MIDEAS: variants seen among roughly 807,000 people sequenced by gnomAD.
MIDEAS encodes the protein mitotic deacetylase-associated SANT domain protein.
A neutral mutation model predicts 102.7 loss-of-function variants in MIDEAS; 26 were observed. That is an observed-to-expected ratio of 0.25 (90% confidence interval 0.19 to 0.35). The LOEUF (loss-of-function observed/expected upper bound fraction) is 0.35. Ranked by LOEUF, MIDEAS falls within the 10% of genes least tolerant of loss-of-function variation. The pLI, the probability that MIDEAS is intolerant of heterozygous loss-of-function variation, is 1.00. For synonymous variants in MIDEAS, 585 were observed against 591.0 expected (o/e 0.99, Z 0.15); for missense variants, 1,231 against 1,435.6 (o/e 0.86, Z 2.30).
chr14:73,773,343 A>G (rs1395897159), intron 1 of MIDEAS, among the ~76,000 whole-genome samples: 1 of 151,852 alleles, frequency 6.6e-6, no homozygotes, highest in Admixed American at 6.6e-5. Context: ...TTGATTTTCC[A>G]GGGAGAGATG....
rs752957541 is a variant in MIDEAS, at chr14:73,739,222, C to CCTG, written c.784_786dup (p.Gln262dup). The CCTG allele has an allele frequency of 3.2e-4, 518 of 1,607,820 alleles. 1 individual carries two copies. Among genetic ancestry groups the CCTG allele is most frequent in the African/African-American group, 1.4e-3 (103 of 74,802 alleles). On this transcript the variant is annotated inframe_insertion, in exon 2 of 13. Coordinates refer to ENST00000423556, the MANE Select transcript of MIDEAS (RefSeq NM_001367710.1). ...AAGAGCGGCATCTGGGGTAGGGCTG[C>CCTG]CTGCTGCTGCTGCTGCTGCTGCTGT... is the stretch of plus-strand genomic sequence containing the variant.
intron 1 of MIDEAS, among the ~76,000 whole-genome samples, chr14:73,755,185 C>CT (rs1309246254): frequency 6.6e-6 from 1 of 152,204 alleles, no homozygotes; most frequent in Non-Finnish European, 1.5e-5. Flanking sequence ...CAGCACGAGG[C>CT]TGTGTTCCAG....
rs758514166 is a variant in MIDEAS at position 73,719,292 on chromosome 14, C to T, written c.3134+13G>A. The T allele has an allele frequency of 8.1e-6, 13 of 1,612,012 alleles. No homozygotes were observed. Among genetic ancestry groups the T allele is most frequent in the East Asian group, 2.2e-5 (1 of 44,756 alleles). On this transcript the variant is annotated intron_variant, in intron 12 of 12. Coordinates refer to ENST00000423556, the MANE Select transcript of MIDEAS (RefSeq NM_001367710.1). ...CGCGGGGGTCCCAGCGGGGACAGCG[C>T]TGCCCACCTTACCTGCCACATTTTT...
At position 73,718,170 on chromosome 14, in the gene MIDEAS, T is replaced by C. The variant is rs1391031954; in HGVS notation, c.*673A>G. The C allele has an allele frequency of 6.6e-6, 1 of 152,318 alleles. No individual in the cohort carries two copies. The highest frequency in any genetic ancestry group is 1.5e-5 in the Non-Finnish European group (1 of 68,224). The allele number at this position is 152,318 out of a possible 1,614,324, so 9.4% of individuals were successfully genotyped here. A position where few individuals can be genotyped will look rare whatever the true frequency, so the allele number is the denominator to read the frequency against. On this transcript the variant is annotated 3_prime_UTR_variant, in exon 13 of 13. Coordinates refer to ENST00000423556, the MANE Select transcript of MIDEAS (RefSeq NM_001367710.1). The stretch of plus-strand genomic sequence containing the variant: ...GCCCCTCCCCCAACGCTGAGAAAAC[T>C]TTCTAGCCCTAGCAAGGCCGCCAGC...
chr14:73,778,615 C>T (rs564860190), intron 1 of MIDEAS, among the ~76,000 whole-genome samples: 1 of 151,964 alleles, frequency 6.6e-6, no homozygotes, highest in South Asian at 2.1e-4. Flanking sequence ...AGGAAGCAGA[C>T]ACATCTTGCT....
chr14:73,737,405 C>T, intron 2 of MIDEAS, 108 bp from the exon 3 acceptor site: 1 of 1,252,920 alleles, frequency 8.0e-7, no homozygotes, highest in Non-Finnish European at 1.1e-6. Flanking sequence ...TAAAGGATCA[C>T]TTGACGCCAC....
chr14:73,748,611 C>A (rs1221769274), intron 1 of MIDEAS, among the ~76,000 whole-genome samples: 3 of 151,454 alleles, frequency 2.0e-5, no homozygotes, highest in Non-Finnish European at 4.4e-5. Flanking sequence ...AATGGCTATA[C>A]TAATATCAGA....
intron 1 of MIDEAS, among the ~76,000 whole-genome samples, chr14:73,749,579 T>A (rs906513444): frequency 2.0e-5 from 3 of 147,502 alleles, no homozygotes; most frequent in Non-Finnish European, 4.5e-5. Context: ...TTATATAATA[T>A]AATATATATA....
chr14:73,740,816 G>A (rs1475197938), intron 1 of MIDEAS, among the ~76,000 whole-genome samples: 1 of 152,244 alleles, frequency 6.6e-6, no homozygotes. Context: ...GGAGAGGACA[G>A]GGTCATTCCC....
In MIDEAS at chr14:73,715,721, G is replaced by C. The variant is rs1448196389; in HGVS notation, c.*3122C>G. 5 of 152,634 alleles carry C rather than the reference G, an allele frequency of 3.3e-5. No homozygotes were observed. Among genetic ancestry groups the C allele is most frequent in the African/African-American group, 9.6e-5 (4 of 41,454 alleles). 9.5% of individuals were successfully genotyped at this position (152,634 alleles called of 1,614,324 possible). On this transcript the variant is annotated 3_prime_UTR_variant, in exon 13 of 13. Transcript: ENST00000423556. ...AAAACAACTAAACAGGCTGAGGCTTGAGTATGTGTTGTATTCCTCCTTCAT... is the reference window on the plus strand; with the variant it reads ...AAAACAACTAAACAGGCTGAGGCTTCAGTATGTGTTGTATTCCTCCTTCAT...
In MIDEAS at chr14:73,724,883, C is replaced by T. The variant is rs2053040276; in HGVS notation, c.2574+389G>A. 7 of 204,894 alleles carry T rather than the reference C, an allele frequency of 3.4e-5. No individual in the cohort carries two copies. The South Asian group carries it at 3.9e-4, about 11-fold the overall frequency. 12.7% of individuals were successfully genotyped at this position (204,894 alleles called of 1,614,324 possible). On this transcript the variant is annotated intron_variant, in intron 9 of 12. Coordinates refer to ENST00000423556, the MANE Select transcript of MIDEAS (RefSeq NM_001367710.1). ...TGGGCAGAGGCCCCCAGGTCAGCTC[C>T]GCAGGCACTTGCTGGCTCTCAGTGG...
intron 1 of MIDEAS, among the ~76,000 whole-genome samples, chr14:73,758,499 A>C (rs373088049): frequency 2.0e-5 from 3 of 152,182 alleles, no homozygotes; most frequent in East Asian, 3.9e-4. Context: ...CTGCTGGAGC[A>C]AGCCAGACAT....
intron 1 of MIDEAS, among the ~76,000 whole-genome samples, chr14:73,777,661 C>T (rs757417061): frequency 2.6e-5 from 4 of 152,012 alleles, no homozygotes; most frequent in Non-Finnish European, 5.9e-5. Flanking sequence ...TGGATGCCTA[C>T]TCGTTTCTCA....
At chr14:73,736,060 G>A (rs2053196472) in intron 3 of MIDEAS, among the ~76,000 whole-genome samples, 1 of 152,146 alleles carries the variant, frequency 6.6e-6, no homozygotes, top group African/African-American at 2.4e-5. Context: ...AGGAGGCTGA[G>A]GCAGGAGAAT....
At chr14:73,720,044 G>A (rs1475906816) in intron 11 of MIDEAS, among the ~76,000 whole-genome samples, 1 of 151,862 alleles carries the variant, frequency 6.6e-6, no homozygotes, top group East Asian at 2.0e-4. Flanking sequence ...AGGTGACCTC[G>A]GCTGGGGAAG....
rs917462251 is a variant in MIDEAS, at chr14:73,717,299, G to C, written c.*1544C>G. On this transcript the variant is annotated 3_prime_UTR_variant, in exon 13 of 13. Transcript: ENST00000423556. Reference sequence around the variant, plus strand: ...AAAGTTGAATAAGATCAGAAAAATAGCTGAGCCCCGCTATGGGACTGGAAG... The same window carrying C: ...AAAGTTGAATAAGATCAGAAAAATACCTGAGCCCCGCTATGGGACTGGAAG... 2.0e-5 allele frequency: 3 copies of C among 152,174 alleles called. No homozygotes were observed. The highest frequency in any genetic ancestry group is 2.9e-5 in the Non-Finnish European group (2 of 68,042). 9.4% of individuals were successfully genotyped at this position (152,174 alleles called of 1,614,324 possible). A position where few individuals can be genotyped will look rare whatever the true frequency, so the allele number is the denominator to read the frequency against.
chr14:73,744,974 C>A lies in MIDEAS; in HGVS notation c.-247-4719G>T, dbSNP rs192357780. 6.0e-3 allele frequency among the ~76,000 whole-genome samples: 917 copies of A among 152,284 alleles called. 5 individuals carry two copies. Among genetic ancestry groups the A allele is most frequent in the Non-Finnish European group, 9.6e-3 (654 of 68,032 alleles). On this transcript the variant is annotated intron_variant, in intron 1 of 12. Transcript: ENST00000423556. ...CATCCCCAGCAGACAGCAGGCTCCACGGGGCAGGGTTGGCAGACCGTTGTA... is the reference window on the plus strand; with the variant it reads ...CATCCCCAGCAGACAGCAGGCTCCAAGGGGCAGGGTTGGCAGACCGTTGTA...
intron 3 of MIDEAS, among the ~76,000 whole-genome samples, chr14:73,732,314 T>C (rs747452729): frequency 4.6e-5 from 7 of 152,028 alleles, no homozygotes; most frequent in Admixed American, 2.0e-4. Context: ...AGAGGACAAA[T>C]AGGTTGGCAA....
In MIDEAS at chr14:73,720,216, T is replaced by C. The variant is rs114114422; in HGVS notation, c.2938-715A>G. Among the ~76,000 whole-genome samples, 253 of 150,088 alleles carry C rather than the reference T, an allele frequency of 1.7e-3. 1 individual carries two copies. Among genetic ancestry groups the C allele is most frequent in the African/African-American group, 5.7e-3 (234 of 40,884 alleles). ...ACAGTTTATGGGAGCTCTGTAAGCA[T>C]GAGTGTACTACACACATTCCTTTTT... On this transcript the variant is annotated intron_variant, in intron 11 of 12. Coordinates refer to ENST00000423556, the MANE Select transcript of MIDEAS (RefSeq NM_001367710.1).
Sources: gnomAD v4.1 joint callset for allele counts (sites outside exome capture counted in the v4.1 genomes callset) on GRCh38, gnomAD v4.1.1 for gene constraint, MANE v1.5 for transcripts, NCBI Gene and HGNC (gene_info 2026-07-23, HGNC 2026-07-21) for gene names.